Variants in KAT6A observed in about 807,000 individuals in gnomAD.
KAT6A encodes histone acetyltransferase KAT6A.
KAT6A carries 9 observed loss-of-function variants against 198.4 expected under a neutral mutation model. That is an observed-to-expected ratio of 0.05 (90% confidence interval 0.03 to 0.08). KAT6A has a LOEUF of 0.08. Ranked by LOEUF, KAT6A falls within the 10% of genes least tolerant of loss-of-function variation. The probability of loss-of-function intolerance (pLI) is 1.00; values close to 1 mark genes in which losing one functional copy is unlikely to be tolerated. For synonymous variants in KAT6A, 890 were observed against 883.0 expected, an observed-to-expected ratio of 1.01 and a Z score of -0.14; for missense variants, 2,077 against 2,509.9, an observed-to-expected ratio of 0.83 and a Z score of 3.69.
In KAT6A at chr8:42,048,520, C is replaced by A. The variant is rs770241643; in HGVS notation, c.458G>T (p.Arg153Leu). ...FHQQLRLAIK[R>L]AIGHGRLLKD... ...AAGGAGTCTGCCGTGGCCAATGGCA[C>A]GTTTGATAGCCAATCGTAACTGCTG... is the stretch of plus-strand genomic sequence containing the variant. The change falls in exon 2 of 17, where the codon CGT (arginine) becomes CTT (leucine). Residue 153 changes from arginine (R) to leucine (L), a missense_variant. By Grantham distance (102) the Arg-to-Leu change is moderately radical. This residue lies in a region of KAT6A where 185 missense variants were observed against 185.7 expected (regional missense o/e 1.00). Coordinates refer to ENST00000265713, the MANE Select transcript of KAT6A (RefSeq NM_006766.5). 3 of 1,614,158 alleles carry A rather than the reference C, an allele frequency of 1.9e-6. No homozygotes were observed. Among genetic ancestry groups the A allele is most frequent in the East Asian group, 4.5e-5 (2 of 44,890 alleles).
intron 3 of KAT6A, among the ~76,000 whole-genome samples, chr8:41,983,206 CG>C (rs1423175779): frequency 2.0e-5 from 3 of 152,150 alleles, no homozygotes; most frequent in Non-Finnish European, 4.4e-5. Flanking sequence ...AAAAGTTGGT[CG>C]TGCTTATTTT....
At chr8:42,031,654 G>A (rs1827137997) in intron 2 of KAT6A, among the ~76,000 whole-genome samples, 1 of 128,506 alleles carries the variant, frequency 7.8e-6, no homozygotes, top group South Asian at 2.6e-4. Flanking sequence ...TTTGGAGACG[G>A]AGTCTAGCTC....
At chr8:42,040,272 A>C (rs761124518) in intron 2 of KAT6A, among the ~76,000 whole-genome samples, 53 of 152,222 alleles carry the variant, frequency 3.5e-4, no homozygotes, top group Non-Finnish European at 5.6e-4. Flanking sequence ...TACAGAGCAA[A>C]GAAAAAACGA....
At chr8:41,977,636 T>C (rs1224574683) in intron 6 of KAT6A, 1 of 237,750 alleles carries the variant, frequency 4.2e-6, no homozygotes, top group African/African-American at 2.3e-5. Flanking sequence ...TAAACATATG[T>C]CAGTGCCTTC....
chr8:41,934,949 A>T, intron 16 of KAT6A, 82 bp from the exon 17 acceptor site: 1 of 1,081,272 alleles, frequency 9.2e-7, no homozygotes, highest in Non-Finnish European at 1.3e-6. Flanking sequence ...AGCATATACA[A>T]TAGAAATGAC....
intron 13 of KAT6A, 75 bp from the exon 14 acceptor site, chr8:41,943,075 C>T: frequency 6.4e-7 from 1 of 1,572,362 alleles, no homozygotes; most frequent in Non-Finnish European, 8.6e-7. Context: ...AGATGAGACC[C>T]CTGGTGAAGC....
intron 16 of KAT6A, 122 bp from the exon 17 acceptor site, chr8:41,934,989 G>T: frequency 2.5e-6 from 2 of 797,864 alleles, no homozygotes; most frequent in Non-Finnish European, 2.0e-6. Context: ...ATAAACTCCT[G>T]ATTGTCTTCA....
At chr8:42,020,298 G>T (rs969067814) in intron 2 of KAT6A, among the ~76,000 whole-genome samples, 2 of 152,160 alleles carry the variant, frequency 1.3e-5, no homozygotes, top group Non-Finnish European at 2.9e-5. Flanking sequence ...TTTATTTACA[G>T]AAAGAGTTTG....
chr8:41,982,257 A>G (rs1306673877), intron 3 of KAT6A, among the ~76,000 whole-genome samples: 1 of 152,156 alleles, frequency 6.6e-6, no homozygotes, highest in African/African-American at 2.4e-5. Flanking sequence ...TATCCGGTAT[A>G]TATGTATATA....
chr8:41,932,057 T>C lies in KAT6A; in HGVS notation c.*148A>G. The C allele has an allele frequency of 2.5e-6, 2 of 794,656 alleles. No homozygotes were observed. Among genetic ancestry groups the C allele is most frequent in the Admixed American group, 7.8e-5 (2 of 25,580 alleles). The allele number at this position is 794,656 out of a possible 1,614,324, so 49.2% of individuals were successfully genotyped here. ...CCCAAAAAAAGAGAAGATCAGGTTT[T>C]CTAAAAAATAAAATAAACCAAAGAA... On this transcript the variant is annotated 3_prime_UTR_variant, in exon 17 of 17. Transcript: ENST00000265713.
chr8:42,049,280 G>T lies in KAT6A; in HGVS notation c.-303C>A, dbSNP rs988051084. 2.9e-6 allele frequency: 1 copy of T among 342,456 alleles called. No homozygotes were observed. Among genetic ancestry groups the T allele is most frequent in the East Asian group, 4.4e-5 (1 of 22,960 alleles). The allele number at this position is 342,456 out of a possible 1,614,324, so 21.2% of individuals were successfully genotyped here. A position where few individuals can be genotyped will look rare whatever the true frequency, so the allele number is the denominator to read the frequency against. ...AGAATATTTCATTCCCGGCTCCAGA[G>T]CAGAAAAATGTGCATCTTATGCCTG... is the stretch of plus-strand genomic sequence containing the variant. On this transcript the variant is annotated 5_prime_UTR_variant, in exon 2 of 17. Transcript: ENST00000265713.
chr8:41,936,166 G>A (rs1353655682), intron 16 of KAT6A, among the ~76,000 whole-genome samples: 2 of 152,192 alleles, frequency 1.3e-5, no homozygotes, highest in African/African-American at 4.8e-5. Flanking sequence ...GGATGCTGAG[G>A]CACGAGAATC....
intron 2 of KAT6A, among the ~76,000 whole-genome samples, chr8:42,028,176 T>C (rs1318134179): frequency 1.3e-5 from 2 of 152,240 alleles, no homozygotes; most frequent in African/African-American, 2.4e-5. Context: ...TAGAGAATGA[T>C]CCATGTGCTG....
intron 1 of KAT6A, among the ~76,000 whole-genome samples, chr8:42,051,378 C>A (rs1180295788): frequency 4.6e-5 from 7 of 151,716 alleles, no homozygotes; most frequent in Non-Finnish European, 1.0e-4. Context: ...CCCGCGCCCC[C>A]GGCCGGAGCC....
chr8:42,040,696 T>C (rs761626030), intron 2 of KAT6A, among the ~76,000 whole-genome samples: 113 of 122,706 alleles, frequency 9.2e-4, no homozygotes, highest in Non-Finnish European at 1.3e-3. Flanking sequence ...GATCGCACCA[T>C]TGCACTCCAG....
Position 41,932,870 on chromosome 8 carries a change from C to T in KAT6A, c.5350G>A (p.Val1784Ile). The T allele has an allele frequency of 6.2e-7, 1 of 1,614,124 alleles. No individual in the cohort carries two copies. The highest frequency in any genetic ancestry group is 8.5e-7 in the Non-Finnish European group (1 of 1,180,020). The change falls in exon 17 of 17, where the codon GTT (valine) becomes ATT (isoleucine). Residue 1784 changes from valine (V) to isoleucine (I), a missense_variant. This residue lies in a region of KAT6A where 500 missense variants were observed against 577.2 expected (regional missense o/e 0.87). Transcript: ENST00000265713. ...GCCAGTCCTGTATTGGACAGAGAAA[C>T]ACTGGTTGCATAGGAAGTCACAGCA... The part of the protein sequence containing the change: ...SPAVTSYATS[V>I]SLSNTGLAQL...
chr8:42,032,425 T>A (rs1240267789), intron 2 of KAT6A, among the ~76,000 whole-genome samples: 1 of 152,166 alleles, frequency 6.6e-6, no homozygotes, highest in Non-Finnish European at 1.5e-5. Flanking sequence ...ATATAAAGTT[T>A]TAGGGGAACA....
intron 2 of KAT6A, among the ~76,000 whole-genome samples, chr8:42,017,668 T>C (rs1826340667): frequency 6.6e-6 from 1 of 152,136 alleles, no homozygotes; most frequent in African/African-American, 2.4e-5. Context: ...AAGAAGAGCA[T>C]GGCAAGAGAT....
chr8:41,980,968 A>G (rs770029965), intron 4 of KAT6A, 41 bp from the exon 5 acceptor site: 1 of 1,316,836 alleles, frequency 7.6e-7, no homozygotes, highest in Non-Finnish European at 1.1e-6. Flanking sequence ...TAACCTTATG[A>G]AGCAGAAACA....
Sources: allele counts gnomAD v4.1 joint callset (sites outside exome capture counted in the v4.1 genomes callset), GRCh38; gene constraint gnomAD v4.1.1; regional missense constraint gnomAD v4.1.1; transcripts MANE v1.5; gene names NCBI Gene and HGNC (gene_info 2026-07-23, HGNC 2026-07-21).